The following PPP4R2 variants were observed in gnomAD, a reference collection of about 807,000 sequenced individuals.
PPP4R2 encodes the protein protein phosphatase 4 regulatory subunit 2.
In PPP4R2, 13 loss-of-function variants were observed where a neutral mutation model predicts 47.2. That is an observed-to-expected ratio of 0.28 (90% CI 0.18 to 0.44). The LOEUF is 0.44. Among genes scored for constraint, PPP4R2 ranks in the 20% least tolerant of loss-of-function variants. The pLI is 1.00. For synonymous variants in PPP4R2, 151 were observed against 163.3 expected (o/e 0.92, Z 0.57); for missense variants, 421 against 491.2 (o/e 0.86, Z 1.35).
chr3:73,032,451 G>A (rs1702184028), intron 2 of PPP4R2, among the ~76,000 whole-genome samples: 1 of 151,976 alleles, frequency 6.6e-6, no homozygotes, highest in Non-Finnish European at 1.5e-5. Flanking sequence ...ACCATGCCCA[G>A]CTAATTTTTG....
intron 2 of PPP4R2, among the ~76,000 whole-genome samples, chr3:73,029,845 G>C (rs1553647831): frequency 3.3e-5 from 5 of 152,206 alleles, no homozygotes; most frequent in Non-Finnish European, 7.3e-5. Context: ...ACCCAGGAAA[G>C]TAATTAAGGA....
In PPP4R2 at chr3:73,065,668, G is replaced by A; in HGVS notation, c.1200G>A (p.Met400Ile). ...GAGAGATTCTTTCAGAATCATCCATGGAAAATGATGACGAAGCCACAGAAG... is the reference window on the plus strand; with the variant it reads ...GAGAGATTCTTTCAGAATCATCCATAGAAAATGATGACGAAGCCACAGAAG... ...KTGEILSESS[M>I]ENDDEATEVT... The change falls in exon 9 of 9, where the codon ATG becomes ATA. Residue 400 changes from methionine to isoleucine, a missense_variant. This residue lies in a region of PPP4R2 where 317 missense variants were observed against 287.5 expected (regional missense o/e 1.10). Transcript: ENST00000356692. The A allele has an allele frequency of 6.2e-7, 1 of 1,610,458 alleles. No individual in the cohort carries two copies. Among genetic ancestry groups the A allele is most frequent in the Non-Finnish European group, 8.5e-7 (1 of 1,177,118 alleles).
At chr3:73,034,133 TG>T (rs1320003017) in intron 2 of PPP4R2, among the ~76,000 whole-genome samples, 5 of 148,398 alleles carry the variant, frequency 3.4e-5, no homozygotes, top group African/African-American at 9.9e-5. Flanking sequence ...TTTCTGTGTG[TG>T]GGTGTGTGTA....
intron 2 of PPP4R2, among the ~76,000 whole-genome samples, chr3:73,018,781 G>C (rs544613239): frequency 2.7e-4 from 41 of 152,172 alleles, no homozygotes; most frequent in African/African-American, 9.4e-4. Context: ...CCTTCAACTT[G>C]TCTTTTAAGA....
chr3:73,019,883 G>A (rs2107249195), intron 2 of PPP4R2, among the ~76,000 whole-genome samples: 1 of 152,102 alleles, frequency 6.6e-6, no homozygotes, highest in African/African-American at 2.4e-5. Context: ...TAATAGCCTT[G>A]CCATTTACAA....
chr3:73,051,835 C>T (rs982713075), intron 3 of PPP4R2, among the ~76,000 whole-genome samples: 12 of 152,048 alleles, frequency 7.9e-5, no homozygotes, highest in African/African-American at 2.7e-4. Flanking sequence ...CCCTGTTAGC[C>T]AGGATGGTCT....
chr3:73,011,770 C>G (rs908737888), intron 2 of PPP4R2, among the ~76,000 whole-genome samples: 3 of 147,186 alleles, frequency 2.0e-5, no homozygotes, highest in Non-Finnish European at 4.5e-5. Context: ...GAGACTGATA[C>G]GTGTATTTTA....
At chr3:73,034,628 G>A (rs1013606961) in intron 2 of PPP4R2, among the ~76,000 whole-genome samples, 6 of 152,090 alleles carry the variant, frequency 3.9e-5, no homozygotes, top group African/African-American at 1.4e-4. Context: ...GAACTTCTGG[G>A]TTCAAGCAAT....
chr3:73,024,356 A>C (rs1255111335), intron 2 of PPP4R2, among the ~76,000 whole-genome samples: 5 of 152,158 alleles, frequency 3.3e-5, no homozygotes, highest in African/African-American at 1.2e-4. Context: ...ATTGGTAGTG[A>C]TCTGTCTTAG....
intron 2 of PPP4R2, among the ~76,000 whole-genome samples, chr3:73,014,367 C>T (rs1158025381): frequency 6.6e-6 from 1 of 150,408 alleles, no homozygotes; most frequent in Non-Finnish European, 1.5e-5. Flanking sequence ...CTTACTGCAA[C>T]CTCAAACTCC....
chr3:73,057,282 T>G (rs1427090815), intron 3 of PPP4R2, among the ~76,000 whole-genome samples: 1 of 152,160 alleles, frequency 6.6e-6, no homozygotes, highest in African/African-American at 2.4e-5. Flanking sequence ...TGGTTGTCTT[T>G]ATAGGAATGA....
intron 5 of PPP4R2, chr3:73,062,832 G>A (rs1400078933): frequency 6.2e-7 from 1 of 1,613,874 alleles, no homozygotes; most frequent in Non-Finnish European, 8.5e-7. Context: ...ATGGGTTGGA[G>A]AATTAATGTT....
chr3:73,019,936 A>G (rs571847142), intron 2 of PPP4R2, among the ~76,000 whole-genome samples: 1 of 152,278 alleles, frequency 6.6e-6, no homozygotes, highest in East Asian at 1.9e-4. Flanking sequence ...ATTTTGTTAT[A>G]AATATTATTC....
intron 2 of PPP4R2, among the ~76,000 whole-genome samples, chr3:73,035,547 T>C (rs1207330633): frequency 6.6e-6 from 1 of 152,210 alleles, no homozygotes; most frequent in African/African-American, 2.4e-5. Context: ...AGGTCTACCA[T>C]CTGACCTAGC....
intron 2 of PPP4R2, among the ~76,000 whole-genome samples, chr3:73,032,796 C>CTAA (rs1391710246): frequency 6.6e-6 from 1 of 152,182 alleles, no homozygotes; most frequent in Non-Finnish European, 1.5e-5. Flanking sequence ...ATTTTGGTCA[C>CTAA]ATTAGCATTC....
At chr3:72,997,118 C>A in intron 1 of PPP4R2, 47 bp downstream of exon 1, 3 of 1,304,154 alleles carry the variant, frequency 2.3e-6, no homozygotes, top group Non-Finnish European at 2.0e-6. Flanking sequence ...TTCTCCGGCT[C>A]GCTCTTCTCT....
chr3:73,063,054 T>G (rs1702904273), intron 5 of PPP4R2: 5 of 763,642 alleles, frequency 6.5e-6, no homozygotes, highest in South Asian at 3.9e-5. Flanking sequence ...TGGGGAAATA[T>G]TTTGAGTTTG....
At chr3:73,051,788 G>T (rs1702618718) in intron 3 of PPP4R2, among the ~76,000 whole-genome samples, 1 of 152,050 alleles carries the variant, frequency 6.6e-6, no homozygotes, top group African/African-American at 2.4e-5. Flanking sequence ...ACCACGCCCG[G>T]CTAATTTTTT....
At chr3:73,038,477 C>T (rs988917964) in intron 2 of PPP4R2, among the ~76,000 whole-genome samples, 2 of 151,918 alleles carry the variant, frequency 1.3e-5, no homozygotes, top group African/African-American at 4.8e-5. Context: ...CTCACAGCAA[C>T]CTCCACCTCC....
Sources: gnomAD v4.1 joint callset for allele counts (sites outside exome capture counted in the v4.1 genomes callset) on GRCh38, gnomAD v4.1.1 for gene constraint, gnomAD v4.1.1 regional missense constraint, MANE v1.5 for transcripts, NCBI Gene and HGNC (gene_info 2026-07-23, HGNC 2026-07-21) for gene names.